The following OR2L2 variants were observed in gnomAD, a reference collection of about 807,000 sequenced individuals.
The protein encoded by OR2L2 is olfactory receptor 2L2.
For synonymous variants in OR2L2, 156 were observed against 135.4 expected, an observed-to-expected ratio of 1.15 and a Z score of -1.06; for missense variants, 378 against 375.2, an observed-to-expected ratio of 1.01 and a Z score of -0.06.
intron 1 of OR2L2, among the ~76,000 whole-genome samples, chr1:248,031,569 T>A (rs1315793952): frequency 1.3e-5 from 2 of 152,170 alleles, no homozygotes; most frequent in African/African-American, 4.8e-5. Context: ...TTGCTTCTGA[T>A]GTATTTTCTA....
At chr1:248,035,181 T>C (rs1662723336) in intron 1 of OR2L2, among the ~76,000 whole-genome samples, 1 of 152,040 alleles carries the variant, frequency 6.6e-6, no homozygotes, top group South Asian at 2.1e-4. Context: ...CCAGGCACGG[T>C]GGCTCATGCC....
chr1:248,033,974 G>C (rs1662689811), intron 1 of OR2L2, among the ~76,000 whole-genome samples: 1 of 152,126 alleles, frequency 6.6e-6, no homozygotes, highest in African/African-American at 2.4e-5. Context: ...TGTTTACCTA[G>C]AAAACTCTAA....
intron 2 of OR2L2, among the ~76,000 whole-genome samples, chr1:248,036,943 A>C (rs1331404958): frequency 6.6e-6 from 1 of 152,206 alleles, no homozygotes; most frequent in East Asian, 1.9e-4. Context: ...TATGTAATCT[A>C]AGCATGAGGG....
rs1662837947 is a variant in OR2L2, at chr1:248,038,594, A to C, written c.327A>C (p.Ala109=). Residue 109 remains alanine (A), a synonymous_variant, in exon 3 of 3, where the codon GCA becomes GCC. Coordinates refer to ENST00000641771, the MANE Select transcript of OR2L2 (RefSeq NM_001385855.1). ...TCTTCTTCTTGACTTTAGCAGTTGC[A>C]GAAGGGCTGCTCCTGACATCAATGG... The part of the protein sequence containing the change: ...QSFFFLTLAV[A]EGLLLTSMAY... The C allele has an allele frequency of 6.2e-7, 1 of 1,614,092 alleles. No homozygotes were observed. Among genetic ancestry groups the C allele is most frequent in the Non-Finnish European group, 8.5e-7 (1 of 1,180,024 alleles).
At position 248,038,655 on chromosome 1, in the gene OR2L2, C is replaced by G. The variant is rs752298991; in HGVS notation, c.388C>G (p.His130Asp). ...DRYVAICFPLHYPIRISKRVC... is the reference protein window; with the variant it reads ...DRYVAICFPLDYPIRISKRVC... ...TTATGTGGCCATTTGCTTTCCTCTC[C>G]ACTATCCCATCCGTATAAGCAAAAG... The change falls in exon 3 of 3, where the codon CAC becomes GAC. Residue 130 changes from histidine to aspartate, a missense_variant. His to Asp is a moderately conservative substitution (Grantham distance 81). Coordinates refer to ENST00000641771, the MANE Select transcript of OR2L2 (RefSeq NM_001385855.1). 6.2e-7 allele frequency: 1 copy of G among 1,614,168 alleles called. No individual in the cohort carries two copies. The highest frequency in any genetic ancestry group is 1.7e-5 in the Admixed American group (1 of 60,026).
chr1:248,040,639 T>C lies in OR2L2; in HGVS notation c.*1433T>C, dbSNP rs1662923798. ...ATTTTCTCAATAAGATATTCTTTTTTAGCTCACTTTACTGTAAGAGTAGAG... is the reference window on the plus strand; with the variant it reads ...ATTTTCTCAATAAGATATTCTTTTTCAGCTCACTTTACTGTAAGAGTAGAG... On this transcript the variant is annotated 3_prime_UTR_variant, in exon 3 of 3. Coordinates refer to ENST00000641771, the MANE Select transcript of OR2L2 (RefSeq NM_001385855.1). 6.6e-6 allele frequency: 1 copy of C among 152,228 alleles called. No individual in the cohort carries two copies. 9.4% of individuals were successfully genotyped at this position (152,228 alleles called of 1,614,324 possible).
At chr1:248,036,808 A>G (rs956613426) in intron 2 of OR2L2, among the ~76,000 whole-genome samples, 1 of 152,130 alleles carries the variant, frequency 6.6e-6, no homozygotes, top group Non-Finnish European at 1.5e-5. Flanking sequence ...TCTTTTGAAG[A>G]TGTAAAGTGA....
At position 248,036,873 on chromosome 1, in the gene OR2L2, A is replaced by G. The variant is rs145347781; in HGVS notation, c.-22+1249A>G. ...ATTACATTATACTTTATGGATCTTA[A>G]CAAAAAATTGATAAATATACTTATG... On this transcript the variant is annotated intron_variant, in intron 2 of 2. Coordinates refer to ENST00000641771, the MANE Select transcript of OR2L2 (RefSeq NM_001385855.1). Among the ~76,000 whole-genome samples the G allele has an allele frequency of 1.1e-4, 16 of 152,164 alleles. 1 individual carries two copies. Among genetic ancestry groups the G allele is most frequent in the Admixed American group, 3.9e-4 (6 of 15,272 alleles).
intron 2 of OR2L2, among the ~76,000 whole-genome samples, chr1:248,036,128 T>A (rs1348649144): frequency 6.6e-6 from 1 of 152,192 alleles, no homozygotes; most frequent in Non-Finnish European, 1.5e-5. Flanking sequence ...TCTGAGAATT[T>A]TTGTATGGTA....
rs1044794441 is a variant in OR2L2 at position 248,037,043 on chromosome 1, TAGAG to T, written c.-21-1201_-21-1198del. On this transcript the variant is annotated intron_variant, in intron 2 of 2. Coordinates refer to ENST00000641771, the MANE Select transcript of OR2L2 (RefSeq NM_001385855.1). ...TGAACTTGGCATATAGATATTGAGA[TAGAG>T]AGTCTGCATTAACTTGAGAATTCAG... is the stretch of plus-strand genomic sequence containing the variant. Among the ~76,000 whole-genome samples the T allele has an allele frequency of 2.6e-5, 4 of 152,114 alleles. No homozygotes were observed. In the East Asian group the frequency reaches 7.7e-4, roughly 29 times the overall value.
chr1:248,041,408 A>G lies in OR2L2; in HGVS notation c.*2202A>G, dbSNP rs1475284265. On this transcript the variant is annotated 3_prime_UTR_variant, in exon 3 of 3. Transcript: ENST00000641771. ...TTAGACCTAAAACCATAAAAACCCT[A>G]GAAGAAAACCTAGGCTTTACCATTC... 1.3e-5 allele frequency: 2 copies of G among 152,338 alleles called. No homozygotes were observed. The highest frequency in any genetic ancestry group is 3.4e-3 in the Middle Eastern group (1 of 294). 9.4% of individuals were successfully genotyped at this position (152,338 alleles called of 1,614,324 possible).
At chr1:248,033,367 T>C (rs1263715523) in intron 1 of OR2L2, among the ~76,000 whole-genome samples, 2 of 152,198 alleles carry the variant, frequency 1.3e-5, no homozygotes, top group African/African-American at 4.8e-5. Context: ...CTTGGTTTGC[T>C]TGCCAAAAAA....
chr1:248,041,690 G>A lies in OR2L2; in HGVS notation c.*2484G>A, dbSNP rs985244472. 6.6e-6 allele frequency: 1 copy of A among 152,092 alleles called. No homozygotes were observed. Among genetic ancestry groups the A allele is most frequent in the Non-Finnish European group, 1.5e-5 (1 of 68,022 alleles). 9.4% of individuals were successfully genotyped at this position (152,092 alleles called of 1,614,324 possible). A position where few individuals can be genotyped will look rare whatever the true frequency, so the allele number is the denominator to read the frequency against. On this transcript the variant is annotated 3_prime_UTR_variant, in exon 3 of 3. Coordinates refer to ENST00000641771, the MANE Select transcript of OR2L2 (RefSeq NM_001385855.1). ...AAAAAACAAACAACCCCATCAAAAA[G>A]TGGGTGAAGGACATGAACAGACACT...
At chr1:248,031,032 T>G (rs1662606368) in intron 1 of OR2L2, among the ~76,000 whole-genome samples, 1 of 152,176 alleles carries the variant, frequency 6.6e-6, no homozygotes, top group Admixed American at 6.5e-5. Flanking sequence ...TGAAAGCAAG[T>G]AGAAATGTTT....
At position 248,041,804 on chromosome 1, in the gene OR2L2, A is replaced by T. The variant is rs941370620; in HGVS notation, c.*2598A>T. The T allele has an allele frequency of 1.3e-5, 2 of 152,228 alleles. No individual in the cohort carries two copies. Among genetic ancestry groups the T allele is most frequent in the African/African-American group, 4.8e-5 (2 of 41,448 alleles). 9.4% of individuals were successfully genotyped at this position (152,228 alleles called of 1,614,324 possible). A position where few individuals can be genotyped will look rare whatever the true frequency, so the allele number is the denominator to read the frequency against. The stretch of plus-strand genomic sequence containing the variant: ...TCAGAGAAATGCAAATCAAAACCAC[A>T]ATGAGATACCATCTCACACCAGTTA... On this transcript the variant is annotated 3_prime_UTR_variant, in exon 3 of 3. Coordinates refer to ENST00000641771, the MANE Select transcript of OR2L2 (RefSeq NM_001385855.1).
chr1:248,035,989 A>G (rs1346605365), intron 2 of OR2L2, among the ~76,000 whole-genome samples: 4 of 151,132 alleles, frequency 2.6e-5, no homozygotes, highest in African/African-American at 9.9e-5. Context: ...TCTCTCAAAA[A>G]CTTATAATTA....
chr1:248,031,364 A>G (rs1408312200), intron 1 of OR2L2, among the ~76,000 whole-genome samples: 1 of 152,200 alleles, frequency 6.6e-6, no homozygotes, highest in East Asian at 1.9e-4. Flanking sequence ...GCCCCTCAGC[A>G]CTTGTAAAGT....
chr1:248,041,565 A>G lies in OR2L2; in HGVS notation c.*2359A>G, dbSNP rs1044367241. The G allele has an allele frequency of 6.6e-6, 1 of 152,212 alleles. No individual in the cohort carries two copies. Among genetic ancestry groups the G allele is most frequent in the African/African-American group, 2.4e-5 (1 of 41,452 alleles). The allele number at this position is 152,212 out of a possible 1,614,324, so 9.4% of individuals were successfully genotyped here. A position where few individuals can be genotyped will look rare whatever the true frequency, so the allele number is the denominator to read the frequency against. ...AGCAAAAGAAACTACCATCAGAGTG[A>G]ACAGGCAACCTACAGAATGGGAGAA... On this transcript the variant is annotated 3_prime_UTR_variant, in exon 3 of 3. Coordinates refer to ENST00000641771, the MANE Select transcript of OR2L2 (RefSeq NM_001385855.1).
In OR2L2 at chr1:248,038,674, G is replaced by A. The variant is rs1465243574; in HGVS notation, c.407G>A (p.Ser136Asn). ...CFPLHYPIRI[S>N]KRVCVMMITG... ...CCTCTCCACTATCCCATCCGTATAA[G>A]CAAAAGAGTGTGTGTGATGATGATA... Residue 136 changes from serine to asparagine, a missense_variant, in exon 3 of 3, where the codon AGC becomes AAC. Transcript: ENST00000641771. 3 of 1,614,004 alleles carry A rather than the reference G, an allele frequency of 1.9e-6. No homozygotes were observed. Among genetic ancestry groups the A allele is most frequent in the African/African-American group, 1.3e-5 (1 of 74,900 alleles).
Sources: allele counts gnomAD v4.1 joint callset (sites outside exome capture counted in the v4.1 genomes callset), GRCh38; gene constraint gnomAD v4.1.1; transcripts MANE v1.5; gene names NCBI Gene and HGNC (gene_info 2026-07-23, HGNC 2026-07-21).